WWC1: variants seen among roughly 807,000 people sequenced by gnomAD.
The protein encoded by WWC1 is protein KIBRA.
A neutral mutation model predicts 138.4 loss-of-function variants in WWC1; 55 were observed. That is an observed-to-expected ratio of 0.40 (90% CI 0.32 to 0.50). The LOEUF (loss-of-function observed/expected upper bound fraction) is 0.50, where lower values mean the gene tolerates loss of function less well. Among genes scored for constraint, WWC1 ranks in the 20% least tolerant of loss-of-function variants. The pLI is 0.72. For missense variants in WWC1, 1,226 were observed against 1,420.4 expected, an observed-to-expected ratio of 0.86 and a Z score of 2.20; for synonymous variants, 524 against 564.9, an observed-to-expected ratio of 0.93 and a Z score of 1.03.
intron 1 of WWC1, among the ~76,000 whole-genome samples, chr5:168,322,051 A>G (rs903822469): frequency 6.6e-6 from 1 of 152,224 alleles, no homozygotes; most frequent in Non-Finnish European, 1.5e-5. Flanking sequence ...TCAAAGCTTC[A>G]TAATAATACT....
intron 6 of WWC1, among the ~76,000 whole-genome samples, chr5:168,407,670 C>T (rs902568748): frequency 6.6e-6 from 1 of 152,116 alleles, no homozygotes; most frequent in Non-Finnish European, 1.5e-5. Context: ...AATCTTGCCT[C>T]GGTCAATTGC....
intron 2 of WWC1, among the ~76,000 whole-genome samples, chr5:168,380,477 A>G (rs2152815069): frequency 6.6e-6 from 1 of 152,266 alleles, no homozygotes; most frequent in Non-Finnish European, 1.5e-5. Context: ...ACGAGGTATC[A>G]TTACATACCC....
At chr5:168,327,550 T>A (rs908498690) in intron 1 of WWC1, among the ~76,000 whole-genome samples, 6 of 152,240 alleles carry the variant, frequency 3.9e-5, no homozygotes, top group Non-Finnish European at 8.8e-5. Context: ...GGTCCTTGGA[T>A]CAAATTTAGA....
intron 1 of WWC1, among the ~76,000 whole-genome samples, chr5:168,369,854 G>T (rs896990851): frequency 4.2e-5 from 6 of 142,650 alleles, no homozygotes; most frequent in African/African-American, 7.9e-5. Context: ...TCTTTTTTTG[G>T]TTTTTCCTAT....
chr5:168,319,518 A>ATT (rs1310019296), intron 1 of WWC1, among the ~76,000 whole-genome samples: 1 of 152,152 alleles, frequency 6.6e-6, no homozygotes, highest in Non-Finnish European at 1.5e-5. Context: ...TAATTTATCT[A>ATT]TTTTTTTGAG....
At chr5:168,370,369 C>T (rs1308068427) in intron 1 of WWC1, among the ~76,000 whole-genome samples, 2 of 152,214 alleles carry the variant, frequency 1.3e-5, no homozygotes, top group Non-Finnish European at 2.9e-5. Flanking sequence ...TAGCAAGTCT[C>T]TTCCTTGGAA....
At chr5:168,322,940 C>A (rs1020153364) in intron 1 of WWC1, among the ~76,000 whole-genome samples, 11 of 152,144 alleles carry the variant, frequency 7.2e-5, no homozygotes, top group South Asian at 2.1e-4. Flanking sequence ...AAACAAAGTT[C>A]AGATGGTCAG....
chr5:168,407,499 A>C (rs1779885514), intron 6 of WWC1, among the ~76,000 whole-genome samples: 1 of 152,214 alleles, frequency 6.6e-6, no homozygotes. Context: ...TTAGTGAAGG[A>C]AGCTGTATGC....
chr5:168,336,166 T>A (rs1349350730), intron 1 of WWC1, among the ~76,000 whole-genome samples: 1 of 152,162 alleles, frequency 6.6e-6, no homozygotes, highest in African/African-American at 2.4e-5. Context: ...AAAACCCAAT[T>A]TGAGAAACTC....
At chr5:168,338,415 T>TC (rs1229002059) in intron 1 of WWC1, among the ~76,000 whole-genome samples, 1 of 136,790 alleles carries the variant, frequency 7.3e-6, no homozygotes, top group Non-Finnish European at 1.6e-5. Flanking sequence ...CTTTTTTTTC[T>TC]TTTTTTTTGG....
chr5:168,316,161 C>T (rs1247499531), intron 1 of WWC1, among the ~76,000 whole-genome samples: 1 of 152,110 alleles, frequency 6.6e-6, no homozygotes, highest in African/African-American at 2.4e-5. Context: ...TTTGCGACCA[C>T]GATTTTCTCT....
rs144275160 is a variant in WWC1, at chr5:168,393,722, C to T, written c.434-4002C>T. Among the ~76,000 whole-genome samples, 1,300 of 152,228 alleles carry T rather than the reference C, an allele frequency of 8.5e-3. 12 individuals are homozygous for T. Among genetic ancestry groups the T allele is most frequent in the Middle Eastern group, 0.054 (16 of 294 alleles). ...CACAGAGGAACACAAAGGCGGATCT[C>T]AGGAAGCCAGCCGAACACAGAGAGC... On this transcript the variant is annotated intron_variant, in intron 3 of 22. Transcript: ENST00000265293.
chr5:168,453,830 GCCTGGCCC>G, intron 17 of WWC1, 130 bp from the exon 18 acceptor site: 5 of 1,461,952 alleles, frequency 3.4e-6, no homozygotes. Context: ...ACAGGTGTGA[GCCTGGCCC>G]CCCAAAACTT....
intron 4 of WWC1, 95 bp from the exon 5 acceptor site, chr5:168,399,393 G>T: frequency 7.6e-7 from 1 of 1,323,954 alleles, no homozygotes; most frequent in Non-Finnish European, 1.1e-6. Flanking sequence ...TGCAGGCGCA[G>T]TGGGAGGCTC....
At chr5:168,317,970 AGG>A (rs1771747643) in intron 1 of WWC1, among the ~76,000 whole-genome samples, 1 of 152,120 alleles carries the variant, frequency 6.6e-6, no homozygotes, top group Admixed American at 6.5e-5. Context: ...GAGAGACCCG[AGG>A]GTCTTGGTAT....
intron 15 of WWC1, among the ~76,000 whole-genome samples, chr5:168,437,160 C>G (rs1782415344): frequency 6.6e-6 from 1 of 152,182 alleles, no homozygotes; most frequent in Non-Finnish European, 1.5e-5. Flanking sequence ...GGTGCTCCCT[C>G]ACCTCCTTCT....
chr5:168,419,639 A>G (rs10462974), intron 9 of WWC1, among the ~76,000 whole-genome samples: 65,592 of 152,138 alleles, frequency 0.43, 15,612 homozygotes, highest in East Asian at 0.77. Context: ...CCGCTTTCTG[A>G]TGCAGGTAGT....
At chr5:168,426,744 G>A (rs1013987252) in intron 11 of WWC1, among the ~76,000 whole-genome samples, 3 of 152,296 alleles carry the variant, frequency 2.0e-5, no homozygotes, top group South Asian at 2.1e-4. Flanking sequence ...CGCCGTCCCC[G>A]GCCTGCCATG....
chr5:168,444,466 A>G, intron 16 of WWC1, 28 bp from the exon 17 acceptor site: 2 of 1,551,462 alleles, frequency 1.3e-6, no homozygotes, highest in Non-Finnish European at 1.7e-6. Flanking sequence ...CATTGTACCC[A>G]ATGACCCAGC....
Sources: allele counts gnomAD v4.1 joint callset (sites outside exome capture counted in the v4.1 genomes callset), GRCh38; gene constraint gnomAD v4.1.1; transcripts MANE v1.5; gene names NCBI Gene and HGNC (gene_info 2026-07-23, HGNC 2026-07-21).